Variants in TES observed in about 807,000 individuals in gnomAD.
TES encodes testin LIM domain protein, also known as testin.
TES carries 41 observed loss-of-function variants against 48.2 expected under a neutral mutation model. The observed-to-expected ratio is 0.85, with a 90% CI of 0.66 to 1.10. The LOEUF is 1.10. Ranked by LOEUF, TES falls within the 50% of genes least tolerant of loss-of-function variation. The pLI, the probability that TES is intolerant of heterozygous loss-of-function variation, is 0.00. For synonymous variants in TES, 162 were observed against 174.9 expected (o/e 0.93, Z 0.58); for missense variants, 463 against 515.1 (o/e 0.90, Z 0.98).
At position 116,257,358 on chromosome 7, in the gene TES, G is replaced by C. The variant is rs767221203; in HGVS notation, c.1142G>C (p.Ser381Thr). The change falls in exon 7 of 7, where the codon AGC becomes ACC. Residue 381 changes from serine (S) to threonine (T), a missense_variant. Physicochemically the swap from Ser to Thr is moderately conservative, Grantham distance 58. Coordinates refer to ENST00000358204, the MANE Select transcript of TES (RefSeq NM_015641.4). ...EVQRVTYNNF[S>T]WHASTECFLC... is the part of the protein sequence containing the mutation. ...CAGCGGGTGACCTATAACAATTTCA[G>C]CTGGCATGCATCCACAGAGTGCTTT... 8 of 1,614,034 alleles carry C rather than the reference G, an allele frequency of 5.0e-6. 1 individual carries two copies. In the South Asian group the frequency reaches 8.8e-5, roughly 18 times the overall value.
At position 116,257,741 on chromosome 7, in the gene TES, G is replaced by T; in HGVS notation, c.*259G>T. On this transcript the variant is annotated 3_prime_UTR_variant, in exon 7 of 7. Coordinates refer to ENST00000358204, the MANE Select transcript of TES (RefSeq NM_015641.4). The stretch of plus-strand genomic sequence containing the variant: ...GCTTTTCAAATGTGAAATCATTTTT[G>T]GAAGCTTGGATCTCATTAAACTTCA... 3.8e-6 allele frequency: 1 copy of T among 264,974 alleles called. No homozygotes were observed. The highest frequency in any genetic ancestry group is 7.0e-6 in the Non-Finnish European group (1 of 142,254). 16.4% of individuals were successfully genotyped at this position (264,974 alleles called of 1,614,324 possible). A position where few individuals can be genotyped will look rare whatever the true frequency, so the allele number is the denominator to read the frequency against.
At position 116,254,756 on chromosome 7, in the gene TES, ATATGTGTGTGTGTGTGTGTG is replaced by A. The variant is rs1800071872; in HGVS notation, c.1077+2282_1077+2301del. Among the ~76,000 whole-genome samples, 17 of 143,274 alleles carry A rather than the reference ATATGTGTGTGTGTGTGTGTG, an allele frequency of 1.2e-4. No homozygotes were observed. In the East Asian group the frequency reaches 3.0e-3, roughly 25 times the overall value. 94.0% of individuals were successfully genotyped at this position (143,274 alleles called of 152,430 possible). ...ACTCCGTCTCAAAAAAAATATATAT[ATATGTGTGTGTGTGTGTGTG>A]TGTGTGTGTGTGTGTGTGTGTAGCA... On this transcript the variant is annotated intron_variant, in intron 6 of 6. Transcript: ENST00000358204.
chr7:116,250,172 C>A lies in TES; in HGVS notation c.378C>A (p.Tyr126Ter). 1 of 1,541,208 alleles carries A rather than the reference C, an allele frequency of 6.5e-7. No homozygotes were observed. The highest frequency in any genetic ancestry group is 8.7e-7 in the Non-Finnish European group (1 of 1,148,318). The change falls in exon 4 of 7, where the codon TAC becomes TAA. Residue 126 changes from tyrosine (Y) to a stop codon, truncating the protein, a stop_gained. Transcript: ENST00000358204. LOFTEE classifies it high-confidence loss of function. ...PVQNQALARQ[Y>*]MQMLPKEKQP... ...TCCTTGTGGTTCAGGCCAGGCAGTA[C>A]ATGCAGATGCTACCCAAGGAAAAGC...
chr7:116,252,186 T>C (rs1800025468), intron 5 of TES, 132 bp from the exon 6 acceptor site: 2 of 1,090,826 alleles, frequency 1.8e-6, no homozygotes, highest in Non-Finnish European at 1.3e-6. Flanking sequence ...TGATTTAGAC[T>C]AAACTAAGTG....
chr7:116,246,744 C>T (rs1313853053), intron 2 of TES, among the ~76,000 whole-genome samples: 1 of 152,158 alleles, frequency 6.6e-6, no homozygotes, highest in Non-Finnish European at 1.5e-5. Flanking sequence ...ATGTTTCATA[C>T]ATCGTCCAGA....
At chr7:116,234,479 T>C (rs1799739653) in intron 1 of TES, 55 bp from the exon 2 acceptor site, 1 of 1,490,890 alleles carries the variant, frequency 6.7e-7, no homozygotes. Flanking sequence ...ATTTATTGAA[T>C]TTTTAGATTT....
rs1443976351 is a variant in TES at position 116,251,857 on chromosome 7, T to A, written c.800T>A (p.Val267Asp). The A allele has an allele frequency of 6.2e-7, 1 of 1,614,168 alleles. No individual in the cohort carries two copies. The highest frequency in any genetic ancestry group is 1.1e-5 in the South Asian group (1 of 91,080). The change falls in exon 5 of 7, where the codon GTC becomes GAC. Residue 267 changes from valine to aspartate, a missense_variant. Val to Asp is a radical substitution (Grantham distance 152). Coordinates refer to ENST00000358204, the MANE Select transcript of TES (RefSeq NM_015641.4). ...YDKLWHPACF[V>D]CSTCHELLVD... ...AAACTGTGGCACCCAGCTTGTTTTG[T>A]CTGCAGCACCTGCCATGAACTCCTG...
At chr7:116,242,818 A>C (rs1799868004) in intron 2 of TES, among the ~76,000 whole-genome samples, 2 of 152,108 alleles carry the variant, frequency 1.3e-5, no homozygotes, top group South Asian at 4.2e-4. Flanking sequence ...GAATAGCAAC[A>C]GTTTAGTTTT....
At chr7:116,248,100 A>G (rs182856904) in intron 2 of TES, among the ~76,000 whole-genome samples, 1 of 152,326 alleles carries the variant, frequency 6.6e-6, no homozygotes. Flanking sequence ...AATTCACTTA[A>G]GATAATGACT....
Position 116,210,576 on chromosome 7 carries a change from G to T in TES, c.-132G>T. ...TGGGCGGCGGAAGTTCGACGGCGCC[G>T]GGCGAGTGGCTGTTGAGCGGCGCCG... On this transcript the variant is annotated 5_prime_UTR_variant, in exon 1 of 7. Transcript: ENST00000358204. The T allele has an allele frequency of 9.7e-7, 1 of 1,035,716 alleles. No homozygotes were observed. Among genetic ancestry groups the T allele is most frequent in the Non-Finnish European group, 1.3e-6 (1 of 795,066 alleles). The allele number at this position is 1,035,716 out of a possible 1,614,324, so 64.2% of individuals were successfully genotyped here.
chr7:116,239,902 G>T (rs952812997), intron 2 of TES, among the ~76,000 whole-genome samples: 2 of 152,158 alleles, frequency 1.3e-5, no homozygotes, highest in Admixed American at 1.3e-4. Context: ...CACATTGAAG[G>T]TATAATTAAT....
rs1290081679 is a variant in TES at position 116,224,383 on chromosome 7, GAA to G, written c.28-10150_28-10149del. On this transcript the variant is annotated intron_variant, in intron 1 of 6. Transcript: ENST00000358204. Reference sequence around the variant, plus strand: ...TTCAGTGATTTGAAAAATTTGAAAAGAATGATATTTTGCTTCATTGCCCTGAG... The same window carrying G: ...TTCAGTGATTTGAAAAATTTGAAAAGTGATATTTTGCTTCATTGCCCTGAG... Among the ~76,000 whole-genome samples the G allele has an allele frequency of 3.3e-5, 5 of 152,130 alleles. No individual in the cohort carries two copies. The South Asian group carries it at 8.3e-4, about 25-fold the overall frequency.
At chr7:116,233,414 G>C (rs1799725833) in intron 1 of TES, among the ~76,000 whole-genome samples, 1 of 152,196 alleles carries the variant, frequency 6.6e-6, no homozygotes, top group East Asian at 1.9e-4. Context: ...GCTATAGCAA[G>C]GGTGATAATA....
chr7:116,239,343 A>G (rs1257685978), intron 2 of TES: 2 of 152,220 alleles, frequency 1.3e-5, no homozygotes, highest in Non-Finnish European at 2.9e-5. Flanking sequence ...TAAAAGTAAC[A>G]TAATCATGAA....
intron 2 of TES, among the ~76,000 whole-genome samples, chr7:116,236,909 G>C (rs564730272): frequency 6.6e-6 from 1 of 152,118 alleles, no homozygotes; most frequent in African/African-American, 2.4e-5. Flanking sequence ...TTCAGCTGGG[G>C]TTGATAACAG....
In TES at chr7:116,257,894, A is replaced by G. The variant is rs1200792434; in HGVS notation, c.*412A>G. 6.3e-6 allele frequency: 1 copy of G among 158,370 alleles called. No homozygotes were observed. The highest frequency in any genetic ancestry group is 1.4e-5 in the Non-Finnish European group (1 of 71,684). 9.8% of individuals were successfully genotyped at this position (158,370 alleles called of 1,614,324 possible). A position where few individuals can be genotyped will look rare whatever the true frequency, so the allele number is the denominator to read the frequency against. On this transcript the variant is annotated 3_prime_UTR_variant, in exon 7 of 7. Transcript: ENST00000358204. ...TGAAAAGAAAACTAAATTTGCCCTAATACCAAGGCGCTACGTTTATTGCCT... is the reference window on the plus strand; with the variant it reads ...TGAAAAGAAAACTAAATTTGCCCTAGTACCAAGGCGCTACGTTTATTGCCT...
chr7:116,217,383 TAA>T, intron 1 of TES, among the ~76,000 whole-genome samples: 1 of 152,156 alleles, frequency 6.6e-6, no homozygotes, highest in East Asian at 1.9e-4. Context: ...ACACAAACTA[TAA>T]GTCTTCTCCC....
intron 6 of TES, among the ~76,000 whole-genome samples, chr7:116,254,762 G>GTGTA (rs1563016525): frequency 1.1e-3 from 110 of 98,774 alleles, no homozygotes; most frequent in African/African-American, 5.1e-3. Flanking sequence ...ATATATATGT[G>GTGTA]TGTGTGTGTG....
chr7:116,237,142 A>G (rs948484038), intron 2 of TES, among the ~76,000 whole-genome samples: 65 of 152,260 alleles, frequency 4.3e-4, no homozygotes, highest in African/African-American at 1.5e-3. Flanking sequence ...GGTCTAGTCT[A>G]GGGCCACAGA....
Sources: allele counts gnomAD v4.1 joint callset (sites outside exome capture counted in the v4.1 genomes callset), GRCh38; gene constraint gnomAD v4.1.1; transcripts MANE v1.5; gene names NCBI Gene and HGNC (gene_info 2026-07-23, HGNC 2026-07-21).